The following ACTR3C variants were observed in gnomAD, a reference collection of about 807,000 sequenced individuals.
ACTR3C encodes the protein actin-related protein 3C.
Under a neutral mutation model 26.3 loss-of-function variants are expected in ACTR3C, and 18 were observed. The observed-to-expected ratio is 0.68, with a 90% CI of 0.47 to 1.01. The LOEUF (loss-of-function observed/expected upper bound fraction) is 1.01, where lower values mean the gene tolerates loss of function less well. ACTR3C is among the 50% of genes least tolerant of loss of function. The pLI is 0.00. For synonymous variants in ACTR3C, 55 were observed against 94.5 expected, an observed-to-expected ratio of 0.58 and a Z score of 2.42; for missense variants, 184 against 250.7, an observed-to-expected ratio of 0.73 and a Z score of 1.80.
chr7:149,960,431 T>C, the ACTR3C span, among the ~76,000 whole-genome samples: 63 of 152,260 alleles, frequency 4.1e-4, no homozygotes, highest in African/African-American at 9.4e-4. Context: ...GGTTCTCCTG[T>C]AAAAAAATGC....
chr7:150,036,144 G>A, the ACTR3C span, among the ~76,000 whole-genome samples: 421 of 129,814 alleles, frequency 3.2e-3, 32 homozygotes, highest in Non-Finnish European at 5.8e-3. Flanking sequence ...CTGAGTCCCC[G>A]CCTCGTGGGG....
At chr7:150,318,545 C>T (rs1218483188) in intron 1 of ACTR3C, among the ~76,000 whole-genome samples, 3 of 152,122 alleles carry the variant, frequency 2.0e-5, no homozygotes, top group Admixed American at 6.6e-5. Context: ...GGGCGGATCA[C>T]GAGATCAGGA....
the ACTR3C span, among the ~76,000 whole-genome samples, chr7:149,911,478 T>A: frequency 2.0e-5 from 3 of 152,112 alleles, no homozygotes; most frequent in Non-Finnish European, 2.9e-5. Context: ...CAGAAATAAC[T>A]GCTGAATGTA....
the ACTR3C span, among the ~76,000 whole-genome samples, chr7:150,107,508 A>T: frequency 0.031 from 4,705 of 152,084 alleles, 274 homozygotes; most frequent in African/African-American, 0.11. Context: ...ATTCAGATAC[A>T]ACCTTGACAA....
At chr7:150,136,052 T>A in the ACTR3C span, among the ~76,000 whole-genome samples, 1 of 152,012 alleles carries the variant, frequency 6.6e-6, no homozygotes, top group Non-Finnish European at 1.5e-5. Flanking sequence ...AGCAGCCTAC[T>A]GTTCCTGGAA....
the ACTR3C span, among the ~76,000 whole-genome samples, chr7:149,925,892 T>A: frequency 6.6e-6 from 1 of 152,034 alleles, no homozygotes; most frequent in African/African-American, 2.4e-5. Context: ...TGAAACCCCC[T>A]TCTCTACTAA....
At chr7:150,038,527 C>T in the ACTR3C span, among the ~76,000 whole-genome samples, 15,979 of 106,834 alleles carry the variant, frequency 0.15, 3,441 homozygotes, top group African/African-American at 0.4. Context: ...GGATCCACAG[C>T]CTACAAAACC....
the ACTR3C span, among the ~76,000 whole-genome samples, chr7:149,913,156 T>C: frequency 6.6e-6 from 1 of 152,110 alleles, no homozygotes; most frequent in South Asian, 2.1e-4. Flanking sequence ...TCAAATTCTT[T>C]CCCAGGAGGA....
chr7:149,996,388 C>T, the ACTR3C span, among the ~76,000 whole-genome samples: 1 of 150,158 alleles, frequency 6.7e-6, no homozygotes, highest in Non-Finnish European at 1.5e-5. Flanking sequence ...AAGTCTGTTG[C>T]ATGAGGCAGA....
the ACTR3C span, among the ~76,000 whole-genome samples, chr7:150,160,624 C>T: frequency 6.6e-6 from 1 of 152,060 alleles, no homozygotes; most frequent in South Asian, 2.1e-4. Flanking sequence ...CATAAGCCAT[C>T]ATCCTTTATA....
the ACTR3C span, among the ~76,000 whole-genome samples, chr7:150,012,337 C>T: frequency 5.2e-5 from 4 of 76,510 alleles, no homozygotes; most frequent in South Asian, 4.5e-4. Flanking sequence ...TTTTTTGAGA[C>T]GGAGTCTCGC....
At chr7:150,041,752 G>A in the ACTR3C span, among the ~76,000 whole-genome samples, 6 of 56,256 alleles carry the variant, frequency 1.1e-4, no homozygotes, top group Non-Finnish European at 1.6e-4. Flanking sequence ...TAAGAGCCAG[G>A]GGGGGGAAGA....
At chr7:150,150,260 T>C in the ACTR3C span, among the ~76,000 whole-genome samples, 1 of 152,234 alleles carries the variant, frequency 6.6e-6, no homozygotes, top group Non-Finnish European at 1.5e-5. Flanking sequence ...GCAAGAATTT[T>C]ATATTTCCCC....
chr7:150,101,733 A>G, the ACTR3C span, among the ~76,000 whole-genome samples: 1 of 151,754 alleles, frequency 6.6e-6, no homozygotes, highest in Non-Finnish European at 1.5e-5. Flanking sequence ...AGCTCACTCT[A>G]GTTTCTGAGT....
the ACTR3C span, among the ~76,000 whole-genome samples, chr7:149,905,456 ACTT>A: frequency 6.7e-6 from 1 of 149,836 alleles, no homozygotes; most frequent in Non-Finnish European, 1.5e-5. Context: ...AGTCTTTATG[ACTT>A]TGGAGTAGAA....
the ACTR3C span, among the ~76,000 whole-genome samples, chr7:150,059,285 T>G: frequency 2.6e-5 from 4 of 152,334 alleles, no homozygotes; most frequent in African/African-American, 9.6e-5. Context: ...CCTCAAAACT[T>G]CTTTGATGTA....
At chr7:149,972,916 C>T in the ACTR3C span, among the ~76,000 whole-genome samples, 1 of 151,798 alleles carries the variant, frequency 6.6e-6, no homozygotes, top group Non-Finnish European at 1.5e-5. Flanking sequence ...CCCATGTAAT[C>T]ATAGTGAGTG....
the ACTR3C span, among the ~76,000 whole-genome samples, chr7:150,185,245 G>T: frequency 6.7e-6 from 1 of 149,330 alleles, no homozygotes; most frequent in Non-Finnish European, 1.5e-5. Flanking sequence ...ATTGTTCCTT[G>T]TAGATTGAAT....
chr7:150,196,278 T>C, the ACTR3C span, among the ~76,000 whole-genome samples: 15 of 152,262 alleles, frequency 9.9e-5, no homozygotes, highest in Admixed American at 3.9e-4. Context: ...CCATAACTCA[T>C]GGATGCTCTG....
Sources: gnomAD v4.1 joint callset for allele counts (sites outside exome capture counted in the v4.1 genomes callset) on GRCh38, gnomAD v4.1.1 for gene constraint, MANE v1.5 for transcripts, NCBI Gene and HGNC (gene_info 2026-07-23, HGNC 2026-07-21) for gene names.